NLRC5: variants seen among roughly 807,000 people sequenced by gnomAD.
NLRC5 encodes protein NLRC5.
Under a neutral mutation model 206.9 loss-of-function variants are expected in NLRC5, and 114 were observed. The observed-to-expected ratio is 0.55, with a 90% CI of 0.47 to 0.64. The LOEUF (loss-of-function observed/expected upper bound fraction) is 0.64. Among genes scored for constraint, NLRC5 ranks in the 30% least tolerant of loss-of-function variants. NLRC5 has a pLI of 0.00. For synonymous variants in NLRC5, 952 were observed against 962.8 expected (o/e 0.99, Z 0.21); for missense variants, 2,008 against 2,305.5 (o/e 0.87, Z 2.64).
At chr16:57,079,012 G>T in intron 43 of NLRC5, 38 bp from the exon 44 acceptor site, 1 of 1,582,184 alleles carries the variant, frequency 6.3e-7, no homozygotes, top group South Asian at 1.1e-5. Flanking sequence ...GGAAACGCCA[G>T]TCCCTCAGGC....
intron 24 of NLRC5, 50 bp from the exon 25 acceptor site, chr16:57,054,701 C>G: frequency 7.2e-7 from 1 of 1,395,022 alleles, no homozygotes; most frequent in South Asian, 1.2e-5. Flanking sequence ...CCAGGCTAGC[C>G]AGGTTCCTTG....
intron 1 of NLRC5, chr16:57,004,654 G>A (rs770994425): frequency 1.3e-5 from 2 of 152,440 alleles, no homozygotes; most frequent in Non-Finnish European, 2.9e-5. Flanking sequence ...GTGTGGACTA[G>A]AGATGGAATG....
chr16:57,036,166 C>T lies in NLRC5; in HGVS notation c.2694C>T (p.His898=). 6.2e-7 allele frequency: 1 copy of T among 1,613,410 alleles called. No homozygotes were observed. Among genetic ancestry groups the T allele is most frequent in the Admixed American group, 1.7e-5 (1 of 60,022 alleles). The change falls in exon 14 of 49, where the codon CAC becomes CAT. Residue 898 remains histidine, a synonymous_variant. Transcript: ENST00000688547. ...TGGCAGAGGCTGCATCCCAGCTGCACATCGCCAGGAAGCTGGAGTGAGTTG... is the reference window on the plus strand; with the variant it reads ...TGGCAGAGGCTGCATCCCAGCTGCATATCGCCAGGAAGCTGGAGTGAGTTG... The part of the protein sequence containing the change: ...RLMAEAASQL[H]IARKLDLSNN...
At chr16:57,024,635 A>C (rs537792900) in intron 5 of NLRC5, among the ~76,000 whole-genome samples, 8 of 152,190 alleles carry the variant, frequency 5.3e-5, no homozygotes, top group African/African-American at 1.9e-4. Flanking sequence ...GTTAGTGCTC[A>C]CCCCTGGGCA....
chr16:57,012,792 T>G (rs2059641089), intron 1 of NLRC5, among the ~76,000 whole-genome samples: 1 of 152,118 alleles, frequency 6.6e-6, no homozygotes, highest in African/African-American at 2.4e-5. Flanking sequence ...TGCCAAACTG[T>G]TTTTCAGAGT....
chr16:56,995,530 T>C (rs1457409514), intron 1 of NLRC5, among the ~76,000 whole-genome samples: 2 of 152,200 alleles, frequency 1.3e-5, no homozygotes, highest in Non-Finnish European at 2.9e-5. Flanking sequence ...TCCTAAAAGA[T>C]TGTGCCAATG....
chr16:57,077,480 G>C lies in NLRC5; in HGVS notation c.4919+101G>C, dbSNP rs1047499230. The stretch of plus-strand genomic sequence containing the variant: ...GCCAGCATGGTAAAATCTCCCCTGC[G>C]CCAACCTCAGTGTCCAGGCAGTGGG... On this transcript the variant is annotated intron_variant, in intron 41 of 48. Coordinates refer to ENST00000688547, the MANE Select transcript of NLRC5 (RefSeq NM_001384950.1). 14 of 1,170,516 alleles carry C rather than the reference G, an allele frequency of 1.2e-5. No individual in the cohort carries two copies. In the African/African-American group the frequency reaches 1.7e-4, roughly 14 times the overall value. 72.5% of individuals were successfully genotyped at this position (1,170,516 alleles called of 1,614,324 possible).
chr16:56,992,970 A>G (rs1567491547), intron 1 of NLRC5, among the ~76,000 whole-genome samples: 2 of 151,946 alleles, frequency 1.3e-5, no homozygotes, highest in Non-Finnish European at 2.9e-5. Flanking sequence ...AATGAAAAAT[A>G]AGTCTCCTTC....
chr16:57,061,543 A>G lies in NLRC5; in HGVS notation c.4070+12A>G. The G allele has an allele frequency of 6.2e-7, 1 of 1,609,318 alleles. No individual in the cohort carries two copies. Among genetic ancestry groups the G allele is most frequent in the Non-Finnish European group, 8.5e-7 (1 of 1,179,954 alleles). ...CTGACGGAGCTCACGTGAGTGACCCACCCAGCCCGTGAGGACAGCAGAGGG... is the reference window on the plus strand; with the variant it reads ...CTGACGGAGCTCACGTGAGTGACCCGCCCAGCCCGTGAGGACAGCAGAGGG... On this transcript the variant is annotated intron_variant, in intron 31 of 48. Transcript: ENST00000688547.
intron 16 of NLRC5, 81 bp downstream of exon 16, chr16:57,039,930 C>A: frequency 8.4e-7 from 1 of 1,187,934 alleles, no homozygotes; most frequent in Non-Finnish European, 1.2e-6. Context: ...CAGTGCCAGT[C>A]AGTCAACTGC....
intron 13 of NLRC5, 154 bp downstream of exon 13, chr16:57,034,405 C>T (rs1338987202): frequency 1.6e-6 from 1 of 631,480 alleles, no homozygotes; most frequent in Non-Finnish European, 2.8e-6. Context: ...TGCTACTATT[C>T]AGCACTTGTC....
At chr16:57,030,461 T>TGGATGGATGGATGGAC (rs2061724118) in intron 10 of NLRC5, among the ~76,000 whole-genome samples, 1 of 122,722 alleles carries the variant, frequency 8.1e-6, no homozygotes, top group Admixed American at 9.0e-5. Flanking sequence ...GATGGATGGA[T>TGGATGGATGGATGGAC]GGATGAAAAG....
At chr16:57,069,618 T>C (rs762686687) in intron 36 of NLRC5, among the ~76,000 whole-genome samples, 1 of 152,230 alleles carries the variant, frequency 6.6e-6, no homozygotes, top group South Asian at 2.1e-4. Context: ...CCTGAATGAC[T>C]GCGGTTTAGG....
chr16:57,051,721 C>A (rs1214246927), intron 24 of NLRC5, 100 bp downstream of exon 24: 25 of 883,190 alleles, frequency 2.8e-5, no homozygotes, highest in Admixed American at 3.6e-5. Flanking sequence ...CTCAACCCCC[C>A]GCCTTTACCC....
chr16:57,061,684 A>T lies in NLRC5; in HGVS notation c.4137A>T (p.Ala1379=), dbSNP rs748803170. The T allele has an allele frequency of 1.2e-6, 2 of 1,606,952 alleles. No homozygotes were observed. The highest frequency in any genetic ancestry group is 1.7e-6 in the Non-Finnish European group (2 of 1,178,346). Residue 1379 remains alanine (A), a synonymous_variant, in exon 32 of 49, where the codon GCA becomes GCT. Transcript: ENST00000688547. The stretch of plus-strand genomic sequence containing the variant: ...TCCTGAGCTTGGTGGGGCGACCCGC[A>T]GGGCTGTTCAGCCTCAGGTACCTCC... ...AILLSLVGRP[A]GLFSLRVQEP... is the part of the protein sequence containing the mutation.
At chr16:57,043,823 A>C (rs1008576024) in intron 20 of NLRC5, 2 of 591,312 alleles carry the variant, frequency 3.4e-6, no homozygotes, top group Middle Eastern at 4.5e-4. Flanking sequence ...AATTTCTCCA[A>C]ATTCACCATT....
chr16:57,035,654 A>G (rs780536156), intron 13 of NLRC5, among the ~76,000 whole-genome samples: 6 of 152,258 alleles, frequency 3.9e-5, no homozygotes, highest in Non-Finnish European at 5.9e-5. Context: ...CAAATAAGCC[A>G]TCCCCGACTC....
intron 1 of NLRC5, chr16:57,013,026 C>T (rs1400914866): frequency 5.8e-6 from 1 of 171,690 alleles, no homozygotes; most frequent in African/African-American, 2.4e-5. Flanking sequence ...TTTTATACTA[C>T]AAAGTGATAC....
At position 57,073,720 on chromosome 16, in the gene NLRC5, A is replaced by G. The variant is rs148589604; in HGVS notation, c.4668-880A>G. Among the ~76,000 whole-genome samples the G allele has an allele frequency of 1.8e-3, 272 of 152,216 alleles. 2 individuals are homozygous for G. Among genetic ancestry groups the G allele is most frequent in the African/African-American group, 6.1e-3 (255 of 41,514 alleles). On this transcript the variant is annotated intron_variant, in intron 38 of 48. Transcript: ENST00000688547. Reference sequence around the variant, plus strand: ...GCAACCCTCCTGCCTCAGCCTCCCAAGTAGCTGGCATTACAGGCACATGCC... The same window carrying G: ...GCAACCCTCCTGCCTCAGCCTCCCAGGTAGCTGGCATTACAGGCACATGCC...
Sources: allele counts gnomAD v4.1 joint callset (sites outside exome capture counted in the v4.1 genomes callset), GRCh38; gene constraint gnomAD v4.1.1; transcripts MANE v1.5; gene names NCBI Gene and HGNC (gene_info 2026-07-23, HGNC 2026-07-21).